Variants in MTX3 observed in about 807,000 individuals in gnomAD.
The protein encoded by MTX3 is metaxin 3.
In MTX3, 27 loss-of-function variants were observed where a neutral mutation model predicts 42.5. That is an observed-to-expected ratio of 0.64 (90% CI 0.47 to 0.88). The LOEUF is 0.88. Ranked by LOEUF, MTX3 falls within the 40% of genes least tolerant of loss-of-function variation. The pLI is 0.00. For synonymous variants in MTX3, 144 were observed against 132.9 expected (o/e 1.08, Z -0.57); for missense variants, 378 against 367.0 (o/e 1.03, Z -0.25).
chr5:79,983,857 C>T (rs1831428828), intron 8 of MTX3, 63 bp from the exon 9 acceptor site: 6 of 1,070,162 alleles, frequency 5.6e-6, no homozygotes, highest in Non-Finnish European at 7.1e-6. Flanking sequence ...GGACTGTGGC[C>T]TCCCCATCCA....
At position 79,976,771 on chromosome 5, in the gene MTX3, T is replaced by G. The variant is rs1417053427; in HGVS notation, c.*6913A>C. 6.6e-6 allele frequency: 1 copy of G among 152,606 alleles called. No individual in the cohort carries two copies. The highest frequency in any genetic ancestry group is 2.4e-5 in the African/African-American group (1 of 41,446). The allele number at this position is 152,606 out of a possible 1,614,324, so 9.5% of individuals were successfully genotyped here. A position where few individuals can be genotyped will look rare whatever the true frequency, so the allele number is the denominator to read the frequency against. On this transcript the variant is annotated 3_prime_UTR_variant, in exon 9 of 9. Coordinates refer to ENST00000512528, the MANE Select transcript of MTX3 (RefSeq NM_001363818.2). Reference sequence around the variant, plus strand: ...TATTGAGAAAATAGCTATTTTGACATTATATCCAGTTTCTCATTTATCAGA... The same window carrying G: ...TATTGAGAAAATAGCTATTTTGACAGTATATCCAGTTTCTCATTTATCAGA...
intron 3 of MTX3, 121 bp downstream of exon 3, chr5:79,990,039 C>T (rs1422268693): frequency 3.9e-6 from 2 of 512,468 alleles, no homozygotes; most frequent in African/African-American, 4.0e-5. Context: ...ATTTTTACAT[C>T]TTGTCCCAGG....
At position 79,979,210 on chromosome 5, in the gene MTX3, T is replaced by C. The variant is rs1831320377; in HGVS notation, c.*4474A>G. ...TTTGCAAACCCTTAAGAACACAAAC[T>C]AAAACTAATTTATCCTTATATCTCT... On this transcript the variant is annotated 3_prime_UTR_variant, in exon 9 of 9. Coordinates refer to ENST00000512528, the MANE Select transcript of MTX3 (RefSeq NM_001363818.2). 1 of 152,292 alleles carries C rather than the reference T, an allele frequency of 6.6e-6. No homozygotes were observed. Among genetic ancestry groups the C allele is most frequent in the Non-Finnish European group, 1.5e-5 (1 of 68,032 alleles). 9.4% of individuals were successfully genotyped at this position (152,292 alleles called of 1,614,324 possible).
rs968191733 is a variant in MTX3 at position 79,980,548 on chromosome 5, C to A, written c.*3136G>T. 7.2e-6 allele frequency: 1 copy of A among 138,010 alleles called. No homozygotes were observed. Among genetic ancestry groups the A allele is most frequent in the Non-Finnish European group, 1.6e-5 (1 of 64,098 alleles). 8.5% of individuals were successfully genotyped at this position (138,010 alleles called of 1,614,324 possible). A position where few individuals can be genotyped will look rare whatever the true frequency, so the allele number is the denominator to read the frequency against. ...TGACCACCTTCAATGTTCTTTACAG[C>A]TTCTTTAGTGTTACTTAAAAAAAAA... On this transcript the variant is annotated 3_prime_UTR_variant, in exon 9 of 9. Coordinates refer to ENST00000512528, the MANE Select transcript of MTX3 (RefSeq NM_001363818.2).
At chr5:79,988,004 A>G (rs1463922702) in intron 6 of MTX3, among the ~76,000 whole-genome samples, 1 of 152,136 alleles carries the variant, frequency 6.6e-6, no homozygotes, top group East Asian at 1.9e-4. Context: ...TTTAGTAGAG[A>G]TGGGGTTTCG....
At chr5:79,991,009 T>TC in intron 1 of MTX3, 149 bp downstream of exon 1, 1 of 869,140 alleles carries the variant, frequency 1.2e-6, no homozygotes, top group Non-Finnish European at 1.9e-6. Flanking sequence ...AGGTTGGGAC[T>TC]CGTCGGTGGG....
In MTX3 at chr5:79,982,137, C is replaced by T. The variant is rs1831387262; in HGVS notation, c.*1547G>A. 1 of 229,832 alleles carries T rather than the reference C, an allele frequency of 4.4e-6. No homozygotes were observed. Among genetic ancestry groups the T allele is most frequent in the African/African-American group, 2.3e-5 (1 of 43,462 alleles). 14.2% of individuals were successfully genotyped at this position (229,832 alleles called of 1,614,324 possible). A position where few individuals can be genotyped will look rare whatever the true frequency, so the allele number is the denominator to read the frequency against. ...GATGACTGACACACACAAACACACA[C>T]ACACACACCCTGTTGTAGAAGTAAT... On this transcript the variant is annotated 3_prime_UTR_variant, in exon 9 of 9. Coordinates refer to ENST00000512528, the MANE Select transcript of MTX3 (RefSeq NM_001363818.2).
At chr5:79,986,832 T>C (rs1831502139) in intron 7 of MTX3, 118 bp downstream of exon 7, 2 of 938,458 alleles carry the variant, frequency 2.1e-6, no homozygotes, top group South Asian at 3.4e-5. Flanking sequence ...TGAAGTGCTA[T>C]AAACCACTAT....
chr5:79,987,386 G>C (rs542165876), intron 6 of MTX3, among the ~76,000 whole-genome samples: 2 of 140,386 alleles, frequency 1.4e-5, no homozygotes, highest in South Asian at 2.2e-4. Flanking sequence ...GTTGCAATGA[G>C]CCAAGATCAT....
chr5:79,987,412 C>G (rs567611559), intron 6 of MTX3, among the ~76,000 whole-genome samples: 55 of 143,450 alleles, frequency 3.8e-4, no homozygotes, highest in Non-Finnish European at 7.8e-4. Flanking sequence ...TGCACTCTAG[C>G]CTGGGCAACA....
rs370785466 is a variant in MTX3 at position 79,982,426 on chromosome 5, T to A, written c.*1258A>T. The A allele has an allele frequency of 2.2e-6, 1 of 456,586 alleles. No individual in the cohort carries two copies. 28.3% of individuals were successfully genotyped at this position (456,586 alleles called of 1,614,324 possible). On this transcript the variant is annotated 3_prime_UTR_variant, in exon 9 of 9. Coordinates refer to ENST00000512528, the MANE Select transcript of MTX3 (RefSeq NM_001363818.2). ...TGGGTTCCTGCACGACTTGATAAGA[T>A]TTGCTGAGCACCACAGTAATCTTTT...
rs202141828 is a variant in MTX3, at chr5:79,981,008, TA to T, written c.*2675del. On this transcript the variant is annotated 3_prime_UTR_variant, in exon 9 of 9. Transcript: ENST00000512528. ...CAACATGGTGAAACCCCGTCTCGAC[TA>T]AAAAAAAAACAAAATTAGCTGGGCA... The T allele has an allele frequency of 4.8e-5, 7 of 145,790 alleles. No individual in the cohort carries two copies. The highest frequency in any genetic ancestry group is 7.6e-5 in the Non-Finnish European group (5 of 65,878). The allele number at this position is 145,790 out of a possible 1,614,324, so 9.0% of individuals were successfully genotyped here. A position where few individuals can be genotyped will look rare whatever the true frequency, so the allele number is the denominator to read the frequency against.
At chr5:79,986,481 G>A (rs1247766958) in intron 7 of MTX3, among the ~76,000 whole-genome samples, 6 of 152,168 alleles carry the variant, frequency 3.9e-5, no homozygotes, top group African/African-American at 1.4e-4. Context: ...CCATTCTGAT[G>A]CAATCAGTTT....
chr5:79,991,126 C>T lies in MTX3; in HGVS notation c.81+32G>A, dbSNP rs1416879557. On this transcript the variant is annotated intron_variant, in intron 1 of 8. Transcript: ENST00000512528. ...CTGGCGCCTCCAGCCCCGCCCCTTC[C>T]TCCTGCGCCCTGGCCCGCGAGGCGG... 1.9e-6 allele frequency: 3 copies of T among 1,544,000 alleles called. No individual in the cohort carries two copies. In the Admixed American group the frequency reaches 5.9e-5, roughly 30 times the overall value.
rs1391234893 is a variant in MTX3 at position 79,983,189 on chromosome 5, A to C, written c.*495T>G. The C allele has an allele frequency of 6.4e-6, 1 of 156,240 alleles. No homozygotes were observed. Among genetic ancestry groups the C allele is most frequent in the African/African-American group, 2.4e-5 (1 of 41,482 alleles). The allele number at this position is 156,240 out of a possible 1,614,324, so 9.7% of individuals were successfully genotyped here. On this transcript the variant is annotated 3_prime_UTR_variant, in exon 9 of 9. Coordinates refer to ENST00000512528, the MANE Select transcript of MTX3 (RefSeq NM_001363818.2). Reference sequence around the variant, plus strand: ...AAGTTAAATATGGTCTCTTCTACTGAAGCAATTTATCTTTTTCTGGTTCCT... The same window carrying C: ...AAGTTAAATATGGTCTCTTCTACTGCAGCAATTTATCTTTTTCTGGTTCCT...
In MTX3 at chr5:79,976,956, G is replaced by A. The variant is rs1371064089; in HGVS notation, c.*6728C>T. Reference sequence around the variant, plus strand: ...ACTTTATAAAGAAGCTAGAGTAGTTGTGCAACTAGAACAGATGTTTTTAAA... The same window carrying A: ...ACTTTATAAAGAAGCTAGAGTAGTTATGCAACTAGAACAGATGTTTTTAAA... On this transcript the variant is annotated 3_prime_UTR_variant, in exon 9 of 9. Transcript: ENST00000512528. 1.3e-5 allele frequency: 2 copies of A among 152,438 alleles called. No homozygotes were observed. The highest frequency in any genetic ancestry group is 4.8e-5 in the African/African-American group (2 of 41,418). The allele number at this position is 152,438 out of a possible 1,614,324, so 9.4% of individuals were successfully genotyped here.
chr5:79,979,819 A>G lies in MTX3; in HGVS notation c.*3865T>C, dbSNP rs1004548529. On this transcript the variant is annotated 3_prime_UTR_variant, in exon 9 of 9. Coordinates refer to ENST00000512528, the MANE Select transcript of MTX3 (RefSeq NM_001363818.2). The stretch of plus-strand genomic sequence containing the variant: ...TCTTTAGATATCATTTGTTACAAAC[A>G]TGAGTTTTTCTTAAGAATGAAATAA... 1 of 151,926 alleles carries G rather than the reference A, an allele frequency of 6.6e-6. No individual in the cohort carries two copies. Among genetic ancestry groups the G allele is most frequent in the Non-Finnish European group, 1.5e-5 (1 of 67,994 alleles). The allele number at this position is 151,926 out of a possible 1,614,324, so 9.4% of individuals were successfully genotyped here.
Position 79,991,149 on chromosome 5 carries a change from C to A in MTX3, c.81+9G>T. ...TCCTCCTGCGCCCTGGCCCGCGAGG[C>A]GGCCTCACCATCACCACCAGGGACT... On this transcript the variant is annotated intron_variant, in intron 1 of 8. Coordinates refer to ENST00000512528, the MANE Select transcript of MTX3 (RefSeq NM_001363818.2). The A allele has an allele frequency of 1.3e-6, 2 of 1,544,056 alleles. No individual in the cohort carries two copies. Among genetic ancestry groups the A allele is most frequent in the Non-Finnish European group, 1.8e-6 (2 of 1,142,846 alleles).
rs1458655565 is a variant in MTX3, at chr5:79,988,594, T to C, written c.372A>G (p.Pro124=). ...ESDNYFTVTK[P]WFASQIPFPL... The stretch of plus-strand genomic sequence containing the variant: ...GAAAAGGAATTTGTGAAGCAAACCA[T>C]GGCTTTGTCACAGTAAAGTAATTGT... The change falls in exon 5 of 9, where the codon CCA becomes CCG. Residue 124 remains proline, a synonymous_variant. Coordinates refer to ENST00000512528, the MANE Select transcript of MTX3 (RefSeq NM_001363818.2). The C allele has an allele frequency of 1.7e-5, 27 of 1,603,520 alleles. No homozygotes were observed. The highest frequency in any genetic ancestry group is 2.7e-5 in the African/African-American group (2 of 74,794).
Sources: allele counts gnomAD v4.1 joint callset (sites outside exome capture counted in the v4.1 genomes callset), GRCh38; gene constraint gnomAD v4.1.1; transcripts MANE v1.5; gene names NCBI Gene and HGNC (gene_info 2026-07-23, HGNC 2026-07-21).